CDK11B: variants seen among roughly 807,000 people sequenced by gnomAD.
The protein encoded by CDK11B is cyclin dependent kinase 11B.
In CDK11B, 37 loss-of-function variants were observed where a neutral mutation model predicts 84.0. The observed-to-expected ratio is 0.44, with a 90% CI of 0.34 to 0.58. The LOEUF is 0.58. Ranked by LOEUF, CDK11B falls within the 20% of genes least tolerant of loss-of-function variation. The probability of loss-of-function intolerance (pLI) is 0.02; values close to 1 mark genes in which losing one functional copy is unlikely to be tolerated. For missense variants in CDK11B, 427 were observed against 834.0 expected (o/e 0.51, Z 6.01); for synonymous variants, 269 against 309.8 (o/e 0.87, Z 1.38).
At chr1:1,650,232 T>G (rs1471796906) in intron 4 of CDK11B, among the ~76,000 whole-genome samples, 2 of 114,192 alleles carry the variant, frequency 1.8e-5, no homozygotes, top group Non-Finnish European at 1.8e-5. Context: ...ATTGCGCCAC[T>G]GTACTCCAGC....
intron 5 of CDK11B, among the ~76,000 whole-genome samples, chr1:1,647,258 CTGA>C (rs1414185481): frequency 3.9e-5 from 6 of 152,386 alleles, no homozygotes; most frequent in African/African-American, 1.4e-4. Context: ...ACAGTTTTTA[CTGA>C]TGATGTTCTT....
In CDK11B at chr1:1,640,320, A is replaced by C; in HGVS notation, c.1208T>G (p.Ile403Ser). 2 of 1,613,638 alleles carry C rather than the reference A, an allele frequency of 1.2e-6. No homozygotes were observed. The highest frequency in any genetic ancestry group is 1.7e-6 in the Non-Finnish European group (2 of 1,179,652). The change falls in exon 11 of 20, where the codon ATC becomes AGC. Residue 403 changes from isoleucine (I) to serine (S), a missense_variant. This residue lies in a region of CDK11B where 43 missense variants were observed against 61.8 expected (regional missense o/e 0.70). Coordinates refer to ENST00000341832, the MANE Select transcript of CDK11B (RefSeq NM_033486.3). ...YVPDSPALSP[I>S]ELKQELPKYL... Reference sequence around the variant, plus strand: ...CTTGGGCAGCTCCTGCTTGAGCTCGATGGGCGACAGGGCAGGGGAGTCGGG... The same window carrying C: ...CTTGGGCAGCTCCTGCTTGAGCTCGCTGGGCGACAGGGCAGGGGAGTCGGG...
intron 9 of CDK11B, 140 bp from the exon 10 acceptor site, chr1:1,641,253 A>C (rs1640251141): frequency 7.1e-7 from 1 of 1,404,776 alleles, no homozygotes; most frequent in Non-Finnish European, 9.7e-7. Flanking sequence ...TCACGCCTGT[A>C]ATCCCAGCGC....
At chr1:1,636,647 A>C in intron 17 of CDK11B, 35 bp downstream of exon 17, 1 of 1,612,758 alleles carries the variant, frequency 6.2e-7, no homozygotes, top group Non-Finnish European at 8.5e-7. Context: ...CTCCTCCACA[A>C]CCCCACAGCG....
At chr1:1,636,862 G>T in intron 16 of CDK11B, 35 bp downstream of exon 16, 1 of 1,611,658 alleles carries the variant, frequency 6.2e-7, no homozygotes, top group South Asian at 1.1e-5. Flanking sequence ...GGCTGCGTGG[G>T]GGACAGGGGA....
intron 4 of CDK11B, among the ~76,000 whole-genome samples, chr1:1,650,735 C>T (rs1277878183): frequency 1.3e-5 from 2 of 148,856 alleles, no homozygotes; most frequent in African/African-American, 2.5e-5. Flanking sequence ...CTTGAACTCC[C>T]GGACTCAATT....
At position 1,649,495 on chromosome 1, in the gene CDK11B, T is replaced by A; in HGVS notation, c.494+4A>T. On this transcript the variant is annotated splice_donor_region_variant and intron_variant, in intron 5 of 19. Transcript: ENST00000341832. Reference sequence around the variant, plus strand: ...AAAGTCCTCAACTGACCCAGCCGACTCACCTTTCTCTCCTGGAATGCTCCC... The same window carrying A: ...AAAGTCCTCAACTGACCCAGCCGACACACCTTTCTCTCCTGGAATGCTCCC... 4 of 1,573,586 alleles carry A rather than the reference T, an allele frequency of 2.5e-6. No individual in the cohort carries two copies. The highest frequency in any genetic ancestry group is 3.5e-6 in the Non-Finnish European group (4 of 1,143,562).
At chr1:1,658,093 G>C (rs1342152198) in intron 1 of CDK11B, among the ~76,000 whole-genome samples, 1 of 147,246 alleles carries the variant, frequency 6.8e-6, no homozygotes, top group African/African-American at 2.6e-5. Flanking sequence ...AGAATCGCTT[G>C]AATCCGAAAG....
At chr1:1,651,966 T>C (rs2100961223) in intron 4 of CDK11B, among the ~76,000 whole-genome samples, 1 of 152,112 alleles carries the variant, frequency 6.6e-6, no homozygotes, top group South Asian at 2.1e-4. Flanking sequence ...GAGTTTGCTC[T>C]GTATAGCCCT....
At chr1:1,640,252 G>A (rs1557671340) in intron 11 of CDK11B, 25 bp downstream of exon 11, 4 of 1,611,456 alleles carry the variant, frequency 2.5e-6, no homozygotes, top group Middle Eastern at 1.7e-4. Flanking sequence ...GCGGACAGTG[G>A]CCCGGGGCGA....
chr1:1,645,726 C>A, intron 5 of CDK11B: 1 of 333,436 alleles, frequency 3.0e-6, no homozygotes, highest in South Asian at 2.4e-5. Context: ...TCCATTCGAT[C>A]GGTGTTTGCT....
chr1:1,652,799 C>G (rs1178153313), intron 3 of CDK11B, among the ~76,000 whole-genome samples: 13 of 152,068 alleles, frequency 8.5e-5, no homozygotes, highest in African/African-American at 2.4e-4. Context: ...GATCTCGGCT[C>G]ACTGCAATCT....
Position 1,637,402 on chromosome 1 carries a change from C to G in CDK11B, c.1570+6G>C, listed in dbSNP as rs772365906. On this transcript the variant is annotated splice_donor_region_variant and intron_variant, in intron 14 of 19. Coordinates refer to ENST00000341832, the MANE Select transcript of CDK11B (RefSeq NM_033486.3). ...ACGCAGACAGGCCCCTGGGGCGCGG[C>G]TGTACCTGGCAGGAAGGGCTGTTTC... is the stretch of plus-strand genomic sequence containing the variant. The G allele has an allele frequency of 6.2e-7, 1 of 1,613,274 alleles. No homozygotes were observed. Among genetic ancestry groups the G allele is most frequent in the South Asian group, 1.1e-5 (1 of 90,966 alleles).
chr1:1,645,608 G>C (rs1265332839), intron 5 of CDK11B: 1 of 345,686 alleles, frequency 2.9e-6, no homozygotes, highest in African/African-American at 2.2e-5. Context: ...TCAATCTCCT[G>C]ACCTCGTGAT....
At chr1:1,640,494 G>A (rs770960800) in intron 10 of CDK11B, 42 bp from the exon 11 acceptor site, 2 of 1,613,694 alleles carry the variant, frequency 1.2e-6, no homozygotes, top group Non-Finnish European at 1.7e-6. Flanking sequence ...GAGTAAGCAA[G>A]GATCATGAAC....
At chr1:1,641,534 G>A in intron 9 of CDK11B, 128 bp downstream of exon 9, 1 of 526,686 alleles carries the variant, frequency 1.9e-6, no homozygotes, top group South Asian at 2.3e-5. Context: ...AAGAATCGAT[G>A]TGGAGGTGTC....
chr1:1,650,660 C>T lies in CDK11B; in HGVS notation c.356-1023G>A, dbSNP rs1291002283. Reference sequence around the variant, plus strand: ...GATTACAGTTGTGAGCCACCGCGCCCGGCCTTTTTTTTTTTTTTTTTTTTT... The same window carrying T: ...GATTACAGTTGTGAGCCACCGCGCCTGGCCTTTTTTTTTTTTTTTTTTTTT... On this transcript the variant is annotated intron_variant, in intron 4 of 19. Transcript: ENST00000341832. Among the ~76,000 whole-genome samples, 118 of 133,106 alleles carry T rather than the reference C, an allele frequency of 8.9e-4. 1 individual carries two copies. The Middle Eastern group carries it at 0.024, about 27-fold the overall frequency. 87.3% of individuals were successfully genotyped at this position (133,106 alleles called of 152,430 possible). A position where few individuals can be genotyped will look rare whatever the true frequency, so the allele number is the denominator to read the frequency against.
intron 11 of CDK11B, among the ~76,000 whole-genome samples, chr1:1,639,851 C>T (rs1471953078): frequency 6.6e-6 from 1 of 151,808 alleles, no homozygotes; most frequent in African/African-American, 2.4e-5. Flanking sequence ...CTTCTGGTCA[C>T]ACATCTACAC....
intron 13 of CDK11B, 91 bp downstream of exon 13, chr1:1,637,671 A>G (rs534658831): frequency 8.3e-5 from 134 of 1,611,530 alleles, no homozygotes; most frequent in Non-Finnish European, 4.0e-5. Context: ...TAAGTGCAGG[A>G]GAGTGTAGGA....
Sources: gnomAD v4.1 joint callset for allele counts (sites outside exome capture counted in the v4.1 genomes callset) on GRCh38, gnomAD v4.1.1 for gene constraint, gnomAD v4.1.1 regional missense constraint, MANE v1.5 for transcripts, NCBI Gene and HGNC (gene_info 2026-07-23, HGNC 2026-07-21) for gene names.